Variants in EPHX2 observed in about 807,000 individuals in gnomAD.
EPHX2 encodes the protein bifunctional epoxide hydrolase 2.
In EPHX2, 74 loss-of-function variants were observed where a neutral mutation model predicts 78.7. The ratio of observed to expected loss-of-function variants is 0.94; its 90% CI spans 0.78 to 1.14. The LOEUF (loss-of-function observed/expected upper bound fraction) is 1.14, where lower values mean the gene tolerates loss of function less well. EPHX2 is among the 50% of genes most tolerant of loss of function. The pLI is 0.00. For missense variants in EPHX2, 715 were observed against 702.5 expected (o/e 1.02, Z -0.20); for synonymous variants, 251 against 255.2 (o/e 0.98, Z 0.16).
chr8:27,530,621 G>T (rs1224453428), intron 12 of EPHX2, among the ~76,000 whole-genome samples: 1 of 152,068 alleles, frequency 6.6e-6, no homozygotes, highest in Non-Finnish European at 1.5e-5. Context: ...TTTGTAACAG[G>T]TAGACTATGG....
At chr8:27,529,808 G>A (rs1814969874) in intron 12 of EPHX2, among the ~76,000 whole-genome samples, 2 of 151,494 alleles carry the variant, frequency 1.3e-5, no homozygotes, top group Non-Finnish European at 2.9e-5. Flanking sequence ...CTGCTCGGGA[G>A]GCTGAGGCAG....
rs973574511 is a variant in EPHX2, at chr8:27,538,929, G to A, written c.1276+237G>A. ...TCAAGATCTTAAGCAGTAAGAGCTT[G>A]GAGGAGTCTTAGAGCTTGTCCAGGG... is the stretch of plus-strand genomic sequence containing the variant. On this transcript the variant is annotated intron_variant, in intron 14 of 18. Coordinates refer to ENST00000521400, the MANE Select transcript of EPHX2 (RefSeq NM_001979.6). The A allele has an allele frequency of 1.4e-5, 8 of 558,198 alleles. No homozygotes were observed. In the African/African-American group the frequency reaches 1.5e-4, roughly 11 times the overall value. The allele number at this position is 558,198 out of a possible 1,614,324, so 34.6% of individuals were successfully genotyped here.
rs1814624622 is a variant in EPHX2, at chr8:27,520,965, T to G, written c.972+56T>G. 3.1e-6 allele frequency: 5 copies of G among 1,610,898 alleles called. No individual in the cohort carries two copies. The South Asian group carries it at 5.5e-5, about 18-fold the overall frequency. ...GAGAATTCCTTTGGGGCCTGGGTAA[T>G]TAAAGAAAAGGCGTCAGCCTCGAGC... On this transcript the variant is annotated intron_variant, in intron 10 of 18. Transcript: ENST00000521400.
chr8:27,503,572 A>C, intron 2 of EPHX2, 32 bp from the exon 3 acceptor site: 1 of 1,580,608 alleles, frequency 6.3e-7, no homozygotes, highest in Non-Finnish European at 8.6e-7. Flanking sequence ...CTGAGTGGCC[A>C]TACAAATTGT....
intron 6 of EPHX2, among the ~76,000 whole-genome samples, chr8:27,514,025 A>G (rs543446053): frequency 1.3e-5 from 2 of 152,288 alleles, no homozygotes; most frequent in East Asian, 3.9e-4. Context: ...TATGAATAAA[A>G]CTTTCTGTGG....
At position 27,540,573 on chromosome 8, in the gene EPHX2, C is replaced by T. The variant is rs145868578; in HGVS notation, c.1296C>T (p.Ser432=). Residue 432 remains serine, a synonymous_variant, in exon 15 of 19, where the codon AGC becomes AGT. Coordinates refer to ENST00000521400, the MANE Select transcript of EPHX2 (RefSeq NM_001979.6). ...TTGCAGGAGGACTTTTTGTAAATAG[C>T]CCAGAAGAGCCCAGCCTCAGCAGGA... ...VCEAGGLFVN[S]PEEPSLSRMV... The T allele has an allele frequency of 2.1e-4, 334 of 1,613,968 alleles. 1 individual carries two copies. The highest frequency in any genetic ancestry group is 2.8e-4 in the Non-Finnish European group (327 of 1,179,998).
intron 5 of EPHX2, among the ~76,000 whole-genome samples, chr8:27,509,381 G>C (rs1814148070): frequency 6.6e-6 from 1 of 152,100 alleles, no homozygotes; most frequent in African/African-American, 2.4e-5. Flanking sequence ...CAATGCTTCT[G>C]TGTGTATACC....
In EPHX2 at chr8:27,525,523, C is replaced by T. The variant is rs1186395568; in HGVS notation, c.1170+50C>T. ...ATGGGAGCATTAGTGTTTGCCTTTCCCCTTCCTGTCTCCTTCTTATTTGCT... is the reference window on the plus strand; with the variant it reads ...ATGGGAGCATTAGTGTTTGCCTTTCTCCTTCCTGTCTCCTTCTTATTTGCT... On this transcript the variant is annotated intron_variant, in intron 12 of 18. Coordinates refer to ENST00000521400, the MANE Select transcript of EPHX2 (RefSeq NM_001979.6). The T allele has an allele frequency of 4.2e-6, 6 of 1,422,412 alleles. No homozygotes were observed. The South Asian group carries it at 6.9e-5, about 16-fold the overall frequency. The allele number at this position is 1,422,412 out of a possible 1,614,324, so 88.1% of individuals were successfully genotyped here.
intron 6 of EPHX2, 200 bp from the exon 7 acceptor site, chr8:27,515,518 C>A: frequency 1.8e-6 from 1 of 565,030 alleles, no homozygotes; most frequent in South Asian, 2.3e-5. Flanking sequence ...TGGTGAGAGC[C>A]ACCTGTTTTT....
At chr8:27,538,949 C>G in intron 14 of EPHX2, 1 of 507,868 alleles carries the variant, frequency 2.0e-6, no homozygotes, top group South Asian at 2.5e-5. Flanking sequence ...TAGAGCTTGT[C>G]CAGGGCAAAA....
intron 12 of EPHX2, among the ~76,000 whole-genome samples, chr8:27,534,686 G>A (rs1585219052): frequency 6.6e-6 from 1 of 152,164 alleles, no homozygotes; most frequent in East Asian, 1.9e-4. Context: ...ACGTGTGCAA[G>A]CACTGAGGAC....
At chr8:27,546,767 A>G (rs17057356), downstream of EPHX2, among the ~76,000 whole-genome samples, 1,201 of 152,352 alleles carry the variant, frequency 7.9e-3, 9 homozygotes, top group African/African-American at 0.027. Flanking sequence ...TAGCATTGCC[A>G]GAAAATATAA....
intron 11 of EPHX2, among the ~76,000 whole-genome samples, chr8:27,525,072 G>C (rs1381872490): frequency 5.3e-5 from 4 of 75,222 alleles, no homozygotes; most frequent in African/African-American, 1.3e-4. Flanking sequence ...TGTGTACTGT[G>C]TGTGTGTGTG....
chr8:27,519,454 C>T (rs1201410944), intron 9 of EPHX2, among the ~76,000 whole-genome samples: 1 of 152,258 alleles, frequency 6.6e-6, no homozygotes, highest in Non-Finnish European at 1.5e-5. Flanking sequence ...AGCACAAGGG[C>T]AAGCTCTACA....
intron 11 of EPHX2, among the ~76,000 whole-genome samples, chr8:27,525,107 T>TGTGTGTGCGCGCGC (rs1491544464): frequency 4.8e-5 from 5 of 103,456 alleles, no homozygotes; most frequent in African/African-American, 1.8e-4. Context: ...TGTGTGTGTG[T>TGTGTGTGCGCGCGC]GCGCGCGCGC....
intron 14 of EPHX2, among the ~76,000 whole-genome samples, chr8:27,539,526 C>T (rs1815325292): frequency 6.6e-6 from 1 of 152,194 alleles, no homozygotes; most frequent in African/African-American, 2.4e-5. Flanking sequence ...CAAAGAACAT[C>T]TTCCTTCCCT....
intron 3 of EPHX2, 26 bp from the exon 4 acceptor site, chr8:27,504,930 C>T: frequency 6.2e-7 from 1 of 1,612,332 alleles, no homozygotes; most frequent in East Asian, 2.2e-5. Flanking sequence ...TGTAGCTGGT[C>T]TATCTACTGG....
At chr8:27,529,867 C>T (rs1484643415) in intron 12 of EPHX2, among the ~76,000 whole-genome samples, 2 of 139,512 alleles carry the variant, frequency 1.4e-5, no homozygotes, top group South Asian at 2.2e-4. Context: ...GCTGACATCG[C>T]AGTACTGCAC....
chr8:27,537,515 C>T (rs1205874766), intron 13 of EPHX2, among the ~76,000 whole-genome samples: 1 of 152,212 alleles, frequency 6.6e-6, no homozygotes, highest in African/African-American at 2.4e-5. Context: ...AGCCTCGGGT[C>T]TAACCTCCTA....
Sources: allele counts gnomAD v4.1 joint callset (sites outside exome capture counted in the v4.1 genomes callset), GRCh38; gene constraint gnomAD v4.1.1; transcripts MANE v1.5; gene names NCBI Gene and HGNC (gene_info 2026-07-23, HGNC 2026-07-21).